Variants in EVC observed in about 807,000 individuals in gnomAD.
EVC encodes evC complex member EVC.
Under a neutral mutation model 118.9 loss-of-function variants are expected in EVC, and 116 were observed. That is an observed-to-expected ratio of 0.98 (90% CI 0.84 to 1.14). EVC has a LOEUF of 1.14. EVC is among the 50% of genes most tolerant of loss of function. The pLI is 0.00. For missense variants in EVC, 1,401 were observed against 1,246.4 expected, an observed-to-expected ratio of 1.12 and a Z score of -1.87; for synonymous variants, 619 against 534.7, an observed-to-expected ratio of 1.16 and a Z score of -2.18.
chr4:5,735,896 G>A (rs1473716507), intron 5 of EVC, among the ~76,000 whole-genome samples: 10 of 152,178 alleles, frequency 6.6e-5, no homozygotes, highest in African/African-American at 2.4e-4. Flanking sequence ...TAACTCTATC[G>A]TCGTGTGCTG....
intron 2 of EVC, among the ~76,000 whole-genome samples, chr4:5,727,011 G>A (rs1406625585): frequency 1.3e-5 from 2 of 152,104 alleles, no homozygotes; most frequent in Non-Finnish European, 2.9e-5. Flanking sequence ...TTGCTATTGT[G>A]AATAGTGCCG....
At chr4:5,778,057 C>T (rs1236558690) in intron 11 of EVC, among the ~76,000 whole-genome samples, 1 of 146,968 alleles carries the variant, frequency 6.8e-6, no homozygotes, top group East Asian at 2.1e-4. Flanking sequence ...TCTCATTGTT[C>T]ATTTCCCACC....
At chr4:5,752,786 G>C (rs1560339776) in intron 8 of EVC, 50 bp from the exon 9 acceptor site, 2 of 1,584,222 alleles carry the variant, frequency 1.3e-6, no homozygotes, top group East Asian at 2.2e-5. Context: ...AACATGCCCT[G>C]GTGGTTCCCA....
At chr4:5,721,225 A>G (rs1724908226) in intron 2 of EVC, among the ~76,000 whole-genome samples, 1 of 152,262 alleles carries the variant, frequency 6.6e-6, no homozygotes, top group Non-Finnish European at 1.5e-5. Context: ...AAATGTTCAA[A>G]GCAACACTAT....
intron 5 of EVC, among the ~76,000 whole-genome samples, chr4:5,736,817 C>T (rs750105109): frequency 6.6e-6 from 1 of 152,290 alleles, no homozygotes; most frequent in South Asian, 2.1e-4. Flanking sequence ...CTCCTTGGGC[C>T]TCCCTATTTC....
At chr4:5,744,819 C>T (rs898122392) in intron 6 of EVC, among the ~76,000 whole-genome samples, 3 of 152,198 alleles carry the variant, frequency 2.0e-5, no homozygotes, top group African/African-American at 7.2e-5. Flanking sequence ...ATACACACCA[C>T]TTCCTGCCCT....
At chr4:5,788,245 C>G (rs1334965748) in intron 12 of EVC, among the ~76,000 whole-genome samples, 1 of 152,206 alleles carries the variant, frequency 6.6e-6, no homozygotes, top group African/African-American at 2.4e-5. Context: ...GGTCCAGGCA[C>G]AGTTTAACTG....
At chr4:5,716,133 A>G (rs1003655822) in intron 1 of EVC, among the ~76,000 whole-genome samples, 2 of 152,338 alleles carry the variant, frequency 1.3e-5, no homozygotes, top group South Asian at 4.1e-4. Context: ...TTATAGTGGT[A>G]AAAAGGGAGG....
At position 5,811,062 on chromosome 4, in the gene EVC, AC is replaced by A; in HGVS notation, c.*27del. On this transcript the variant is annotated 3_prime_UTR_variant, in exon 21 of 21. Coordinates refer to ENST00000264956, the MANE Select transcript of EVC (RefSeq NM_153717.3). ...GTTTAAGACCAGTCGGTGGGACAAGACCTGAAGCCCTGGGTCTGGGTGTGAA... is the reference window on the plus strand; with the variant it reads ...GTTTAAGACCAGTCGGTGGGACAAGACTGAAGCCCTGGGTCTGGGTGTGAA... 1 of 1,587,230 alleles carries A rather than the reference AC, an allele frequency of 6.3e-7. No individual in the cohort carries two copies. Among genetic ancestry groups the A allele is most frequent in the Non-Finnish European group, 8.6e-7 (1 of 1,161,606 alleles).
At position 5,756,281 on chromosome 4, in the gene EVC, G is replaced by A. The variant is rs371300088; in HGVS notation, c.1482G>A (p.Leu494=). The stretch of plus-strand genomic sequence containing the variant: ...CCTCACAGGCTTTTCATGAGGTCCT[G>A]GAGAGGCAGAGGCTGATGCAGTGTG... ...EKFLEAFHEV[L]ERQRLMQCDL... The change falls in exon 11 of 21, where the codon CTG becomes CTA. Residue 494 remains leucine (L), a synonymous_variant. Transcript: ENST00000264956. This position sits in a 1 kb window ranked among gnomAD's most constrained non-coding sequence, Gnocchi z 4.2. The A allele has an allele frequency of 3.1e-5, 50 of 1,612,924 alleles. No individual in the cohort carries two copies. Among genetic ancestry groups the A allele is most frequent in the South Asian group, 4.4e-5 (4 of 90,466 alleles).
rs755536415 is a variant in EVC at position 5,810,941 on chromosome 4, C to G, written c.2895-12C>G. On this transcript the variant is annotated splice_polypyrimidine_tract_variant and intron_variant, in intron 20 of 20. Coordinates refer to ENST00000264956, the MANE Select transcript of EVC (RefSeq NM_153717.3). ...AGCGTTCTAACTGGCTGCCTTTCTT[C>G]TCTGTTTTAAGCAGCAAAAGGCTGA... The G allele has an allele frequency of 2.6e-5, 42 of 1,608,914 alleles. No homozygotes were observed. The highest frequency in any genetic ancestry group is 3.6e-5 in the Non-Finnish European group (42 of 1,177,654).
rs1413314367 is a variant in EVC, at chr4:5,737,887, CTTA to C, written c.703-3823_703-3821del. Reference sequence around the variant, plus strand: ...TAAAGAGTAATTTCAACTTTCAAGTCTTATTATTTAAGAAATACATTTCCTAAG... The same window carrying C: ...TAAAGAGTAATTTCAACTTTCAAGTCTTATTTAAGAAATACATTTCCTAAG... On this transcript the variant is annotated intron_variant, in intron 5 of 20. Transcript: ENST00000264956. The surrounding 1 kb of genome is among the most constrained non-coding windows in gnomAD (Gnocchi z 5.0). Among the ~76,000 whole-genome samples the C allele has an allele frequency of 6.6e-6, 1 of 152,158 alleles. No individual in the cohort carries two copies. Among genetic ancestry groups the C allele is most frequent in the Non-Finnish European group, 1.5e-5 (1 of 68,028 alleles).
chr4:5,762,457 G>A (rs1369164327), intron 11 of EVC, among the ~76,000 whole-genome samples: 1 of 126,256 alleles, frequency 7.9e-6, no homozygotes, highest in East Asian at 2.6e-4. Context: ...TCTAGTTCTA[G>A]ATCCCTGAGG....
chr4:5,825,916 A>AGT, the EVC span: 18,482 of 509,716 alleles, frequency 0.036, 429 homozygotes, highest in African/African-American at 0.056. The surrounding 1 kb of genome is among the most constrained non-coding windows in gnomAD (Gnocchi z 4.4). Context: ...CACACCACGC[A>AGT]CACGCACTCA....
intron 2 of EVC, among the ~76,000 whole-genome samples, chr4:5,728,761 C>G (rs187852774): frequency 8.9e-4 from 135 of 152,296 alleles, no homozygotes; most frequent in African/African-American, 3.0e-3. Context: ...TGTGCTTATA[C>G]CCCTGGCAAT....
the EVC span, chr4:5,828,192 G>T: frequency 1.0e-6 from 1 of 985,278 alleles, no homozygotes; most frequent in South Asian, 4.7e-5. Flanking sequence ...TTAAGATGAC[G>T]CAGGACAGCG....
At chr4:5,781,308 G>T (rs1735564364) in intron 11 of EVC, among the ~76,000 whole-genome samples, 1 of 152,124 alleles carries the variant, frequency 6.6e-6, no homozygotes, top group African/African-American at 2.4e-5. Flanking sequence ...GCAGACCCTA[G>T]CGCGACAAAG....
At chr4:5,785,977 G>A (rs1711518161) in intron 12 of EVC, among the ~76,000 whole-genome samples, 1 of 152,176 alleles carries the variant, frequency 6.6e-6, no homozygotes, top group Non-Finnish European at 1.5e-5. Flanking sequence ...CCCACTAAAT[G>A]AGTGTAGGGG....
chr4:5,719,267 TG>T lies in EVC; in HGVS notation c.195del (p.Leu66SerfsTer50). On this transcript the variant is annotated frameshift_variant, in exon 2 of 21. Transcript: ENST00000264956. LOFTEE classifies it high-confidence loss of function. This position sits in a 1 kb window ranked among gnomAD's most constrained non-coding sequence, Gnocchi z 4.7. The part of the protein sequence containing the change: ...TRHQKDDTQN[L>X]LKNLESNAQT... ...TTTTAGAAAGACGACACTCAAAATC[TG>T]CTCAAGAATTTGGAGTCTAATGCGC... 6.2e-7 allele frequency: 1 copy of T among 1,614,106 alleles called. No homozygotes were observed. Among genetic ancestry groups the T allele is most frequent in the Non-Finnish European group, 8.5e-7 (1 of 1,180,024 alleles).
Sources: gnomAD v4.1 joint callset for allele counts (sites outside exome capture counted in the v4.1 genomes callset) on GRCh38, gnomAD v4.1.1 for gene constraint, Gnocchi (gnomAD v3.1) non-coding constraint, MANE v1.5 for transcripts, NCBI Gene and HGNC (gene_info 2026-07-23, HGNC 2026-07-21) for gene names.